ARL17B: variants seen among roughly 807,000 people sequenced by gnomAD.
The protein encoded by ARL17B is ARF like GTPase 17B.
intron 4 of ARL17B, among the ~76,000 whole-genome samples, chr17:46,279,881 T>C (rs1315947458): frequency 1.3e-5 from 2 of 152,198 alleles, no homozygotes; most frequent in African/African-American, 2.4e-5. Flanking sequence ...GGCTTAATCA[T>C]AGCCTTATGT....
rs1234875548 is a variant in ARL17B at position 46,285,508 on chromosome 17, T to C, written c.*22-10090A>G. Among the ~76,000 whole-genome samples, 3 of 152,166 alleles carry C rather than the reference T, an allele frequency of 2.0e-5. No homozygotes were observed. The East Asian group carries it at 5.8e-4, about 30-fold the overall frequency. On this transcript the variant is annotated intron_variant, in intron 4 of 4. Coordinates refer to the ARL17B transcript ENST00000570618. ...GCCCACCTCAGCCCCCACAAAGTGC[T>C]GGGATTACAGGTGTGAGCCCCCGTA...
intron 3 of ARL17B, among the ~76,000 whole-genome samples, chr17:46,316,785 G>C (rs1200272521): frequency 1.0e-5 from 1 of 96,494 alleles, no homozygotes; most frequent in African/African-American, 3.5e-5. Flanking sequence ...TGTGTCCCTG[G>C]GTACTTGAGA....
intron 4 of ARL17B, among the ~76,000 whole-genome samples, chr17:46,282,080 C>A (rs2049777306): frequency 6.6e-6 from 1 of 151,962 alleles, no homozygotes; most frequent in Non-Finnish European, 1.5e-5. Flanking sequence ...TTTAGCTGGG[C>A]TTGTCCTTCA....
intron 4 of ARL17B, among the ~76,000 whole-genome samples, chr17:46,278,410 T>G (rs199751886): frequency 1.9e-5 from 2 of 106,402 alleles, no homozygotes; most frequent in African/African-American, 5.8e-5. Context: ...TGTTTTTTTT[T>G]TGTTGTTGTT....
chr17:46,278,510 T>C (rs1342751617), intron 4 of ARL17B, among the ~76,000 whole-genome samples: 1 of 151,814 alleles, frequency 6.6e-6, no homozygotes, highest in African/African-American at 2.4e-5. Context: ...GTTCAAGCGA[T>C]TTTCCACCTC....
downstream of ARL17B, chr17:46,330,663 C>T (rs751312065): frequency 2.9e-5 from 8 of 280,646 alleles, 1 homozygote; most frequent in East Asian, 2.7e-4. Flanking sequence ...TATTTCTCAG[C>T]GGTAAACCTA....
Position 46,312,093 on chromosome 17 carries a change from TATAA to T in ARL17B, c.260-12432_260-12429del, listed in dbSNP as rs1598128051. On this transcript the variant is annotated intron_variant, in intron 3 of 4. Transcript: ENST00000434041. ...GACTTTTAAAAAGTGGAAACATAAA[TATAA>T]ATAAATAAAAACATTCATATCATTT... 2.0e-4 allele frequency among the ~76,000 whole-genome samples: 9 copies of T among 45,072 alleles called. No individual in the cohort carries two copies. The Admixed American group carries it at 2.5e-3, about 12-fold the overall frequency. 29.6% of individuals were successfully genotyped at this position (45,072 alleles called of 152,430 possible).
At chr17:46,279,453 G>C (rs1344167996) in intron 4 of ARL17B, among the ~76,000 whole-genome samples, 1 of 150,948 alleles carries the variant, frequency 6.6e-6, no homozygotes, top group Non-Finnish European at 1.5e-5. Context: ...CAAAGTGCTG[G>C]GATTACAGGC....
chr17:46,340,096 A>G (rs1298407091), intron 3 of ARL17B, among the ~76,000 whole-genome samples: 2 of 98,752 alleles, frequency 2.0e-5, no homozygotes, highest in Admixed American at 2.0e-4. Flanking sequence ...TTTTCACTGG[A>G]ATGAAAGCTG....
chr17:46,285,389 C>T (rs1392574582), intron 4 of ARL17B, among the ~76,000 whole-genome samples: 4 of 152,016 alleles, frequency 2.6e-5, no homozygotes, highest in East Asian at 1.9e-4. Context: ...TACAGGCTCA[C>T]GCCACCACAC....
intron 4 of ARL17B, among the ~76,000 whole-genome samples, chr17:46,276,040 GCCA>G (rs1489215367): frequency 1.3e-5 from 2 of 152,176 alleles, no homozygotes; most frequent in Non-Finnish European, 2.9e-5. Flanking sequence ...ACAGGTGCCT[GCCA>G]CCACACCCGG....
At chr17:46,283,488 T>G (rs966552933) in intron 4 of ARL17B, among the ~76,000 whole-genome samples, 4 of 152,236 alleles carry the variant, frequency 2.6e-5, no homozygotes, top group African/African-American at 9.6e-5. Context: ...AACCCAAAAG[T>G]CAGTTTTAAA....
chr17:46,290,732 C>G (rs192571671), intron 4 of ARL17B, among the ~76,000 whole-genome samples: 1 of 152,376 alleles, frequency 6.6e-6, no homozygotes, highest in African/African-American at 2.4e-5. Flanking sequence ...TAGGCATGAG[C>G]CATTGCGCCC....
chr17:46,279,500 C>CTTTTTTTTTTTTTTTTTTT (rs369361891), intron 4 of ARL17B, among the ~76,000 whole-genome samples: 1 of 122,428 alleles, frequency 8.2e-6, no homozygotes, highest in Non-Finnish European at 1.6e-5. Flanking sequence ...TTCTTTCTTT[C>CTTTTTTTTTTTTTTTTTTT]TTTTTTTTTT....
rs1413367471 is a variant in ARL17B, at chr17:46,287,622, T to C, written c.*21+11904A>G. ...AAAAATAATTTCTCATAATGGAATA[T>C]GGCATGGGCCACTTTTTCAGTTAAT... On this transcript the variant is annotated intron_variant, in intron 4 of 4. Coordinates refer to the ARL17B transcript ENST00000570618. 2.6e-5 allele frequency among the ~76,000 whole-genome samples: 4 copies of C among 152,276 alleles called. No homozygotes were observed. The East Asian group carries it at 5.8e-4, about 22-fold the overall frequency.
chr17:46,274,582 C>T (rs1464249851), downstream of ARL17B, among the ~76,000 whole-genome samples: 3 of 152,152 alleles, frequency 2.0e-5, no homozygotes, highest in South Asian at 2.1e-4. Flanking sequence ...TATATGTAAC[C>T]GTGGCTGGAT....
intron 4 of ARL17B, among the ~76,000 whole-genome samples, chr17:46,288,703 TTTC>T (rs2049985820): frequency 6.7e-6 from 1 of 148,790 alleles, no homozygotes; most frequent in Non-Finnish European, 1.5e-5. Flanking sequence ...CATCTTGTTT[TTTC>T]TTTTTTTTTT....
chr17:46,276,979 A>AT (rs1162575875), intron 4 of ARL17B, among the ~76,000 whole-genome samples: 1 of 141,178 alleles, frequency 7.1e-6, no homozygotes, highest in Admixed American at 7.3e-5. Flanking sequence ...AATTTTTTGT[A>AT]TTTTTTGTAG....
chr17:46,281,022 A>G (rs1191138363), intron 4 of ARL17B, among the ~76,000 whole-genome samples: 5 of 151,414 alleles, frequency 3.3e-5, no homozygotes, highest in Non-Finnish European at 5.9e-5. Flanking sequence ...AAACTTTTAG[A>G]TTTATTCTTC....
Sources: gnomAD v4.1 joint callset for allele counts (sites outside exome capture counted in the v4.1 genomes callset) on GRCh38, gnomAD v4.1.1 for gene constraint, MANE v1.5 for transcripts, NCBI Gene and HGNC (gene_info 2026-07-23, HGNC 2026-07-21) for gene names.